MYCBPAP: variants seen among roughly 807,000 people sequenced by gnomAD.
MYCBPAP encodes MYCBP-associated protein.
A neutral mutation model predicts 106.1 loss-of-function variants in MYCBPAP; 60 were observed. The ratio of observed to expected loss-of-function variants is 0.57; its 90% confidence interval spans 0.46 to 0.70. MYCBPAP has a LOEUF of 0.70. Among genes scored for constraint, MYCBPAP ranks in the 30% least tolerant of loss-of-function variants. The probability of loss-of-function intolerance (pLI) is 0.00; values close to 1 mark genes in which losing one functional copy is unlikely to be tolerated. For synonymous variants in MYCBPAP, 407 were observed against 440.6 expected, an observed-to-expected ratio of 0.92 and a Z score of 0.95; for missense variants, 1,064 against 1,169.3, an observed-to-expected ratio of 0.91 and a Z score of 1.31.
Position 50,516,621 on chromosome 17 carries a change from A to G in MYCBPAP, c.128A>G (p.Glu43Gly). The part of the protein sequence containing the change: ...PEQPTPTIQE[E>G]PEPVSNVLQG... Reference sequence around the variant, plus strand: ...CAACCCACACCCACAATTCAGGAAGAGCCTGAACCTGTTAGCAATGTCCTA... The same window carrying G: ...CAACCCACACCCACAATTCAGGAAGGGCCTGAACCTGTTAGCAATGTCCTA... Residue 43 changes from glutamate (E) to glycine (G), a missense_variant, in exon 2 of 19, where the codon GAG becomes GGG. Physicochemically the swap from Glu to Gly is moderately conservative, Grantham distance 98. Coordinates refer to ENST00000323776, the MANE Select transcript of MYCBPAP (RefSeq NM_032133.6). The G allele has an allele frequency of 2.5e-6, 4 of 1,614,160 alleles. No individual in the cohort carries two copies. The South Asian group carries it at 4.4e-5, about 18-fold the overall frequency.
At chr17:50,510,731 G>A (rs2033816882) in intron 1 of MYCBPAP, among the ~76,000 whole-genome samples, 1 of 134,942 alleles carries the variant, frequency 7.4e-6, no homozygotes, top group Admixed American at 8.0e-5. Flanking sequence ...AAGTTGCCCA[G>A]GCTGGTCTTA....
intron 1 of MYCBPAP, among the ~76,000 whole-genome samples, chr17:50,514,040 A>AT (rs1441969117): frequency 6.6e-6 from 1 of 152,128 alleles, no homozygotes; most frequent in Non-Finnish European, 1.5e-5. Flanking sequence ...TGAATTTATT[A>AT]TTTTTTCTAA....
At chr17:50,530,496 C>CTAAAAAAAAAAAAAAAAAA (rs1567899333) in intron 18 of MYCBPAP, among the ~76,000 whole-genome samples, 1 of 15,578 alleles carries the variant, frequency 6.4e-5, no homozygotes, top group African/African-American at 2.8e-4. Flanking sequence ...ACTCTTACCT[C>CTAAAAAAAAAAAAAAAAAA]CAAAAAAAAA....
At chr17:50,524,676 GGAGA>G (rs1217842911) in intron 12 of MYCBPAP, among the ~76,000 whole-genome samples, 197 bp from the exon 13 acceptor site, 1 of 151,348 alleles carries the variant, frequency 6.6e-6, no homozygotes, top group East Asian at 1.9e-4. Flanking sequence ...AAGGATGTCT[GGAGA>G]GACTCAGAGG....
At chr17:50,510,534 T>TATAC in intron 1 of MYCBPAP, 1 of 135,834 alleles carries the variant, frequency 7.4e-6, no homozygotes, top group African/African-American at 2.8e-5. Flanking sequence ...TATATATATA[T>TATAC]ATGTATTTTG....
intron 10 of MYCBPAP, 128 bp downstream of exon 10, chr17:50,522,209 G>A (rs1003930137): frequency 1.9e-5 from 12 of 644,682 alleles, no homozygotes; most frequent in South Asian, 7.4e-5. Context: ...CATTCAGCAC[G>A]TCTGAAAATG....
Position 50,526,740 on chromosome 17 carries a change from C to T in MYCBPAP, c.2169+473C>T, listed in dbSNP as rs140779458. ...CTGGGACTACAGGCATGCGCCACCA[C>T]ATCCAGCTAGTTTTTGTATTTTTGT... On this transcript the variant is annotated intron_variant, in intron 14 of 18. Transcript: ENST00000323776. 1.5e-3 allele frequency among the ~76,000 whole-genome samples: 232 copies of T among 152,350 alleles called. 2 individuals carry two copies. The highest frequency in any genetic ancestry group is 5.3e-3 in the African/African-American group (222 of 41,590).
At position 50,528,242 on chromosome 17, in the gene MYCBPAP, C is replaced by T. The variant is rs377742953; in HGVS notation, c.2379C>T (p.Thr793=). The T allele has an allele frequency of 8.1e-6, 13 of 1,613,922 alleles. No homozygotes were observed. Among genetic ancestry groups the T allele is most frequent in the Non-Finnish European group, 1.1e-5 (13 of 1,179,948 alleles). ...TGCTGGGCCTGCCTGAGAAGGAGAC[C>T]ATCTATTTGAATGTGCCTGAAGAGC... is the stretch of plus-strand genomic sequence containing the variant. ...RSVLGLPEKE[T]IYLNVPEEQD... The change falls in exon 16 of 19, where the codon ACC becomes ACT. Residue 793 remains threonine, a synonymous_variant. Transcript: ENST00000323776.
At position 50,525,159 on chromosome 17, in the gene MYCBPAP, C is replaced by T. The variant is rs973131313; in HGVS notation, c.1782+136C>T. The T allele has an allele frequency of 1.8e-4, 190 of 1,066,582 alleles. 1 individual carries two copies. In the East Asian group the frequency reaches 4.6e-3, roughly 26 times the overall value. The allele number at this position is 1,066,582 out of a possible 1,614,324, so 66.1% of individuals were successfully genotyped here. ...TGAGCTCTGCCTCCTGTCAGATCAG[C>T]GGTGGCATTAGATTCTCATAGGAGC... is the stretch of plus-strand genomic sequence containing the variant. On this transcript the variant is annotated intron_variant, in intron 13 of 18. Transcript: ENST00000323776.
At chr17:50,525,164 G>A (rs2034417315) in intron 13 of MYCBPAP, 141 bp downstream of exon 13, 1 of 1,009,564 alleles carries the variant, frequency 9.9e-7, no homozygotes, top group Admixed American at 2.6e-5. Context: ...ATCAGCGGTG[G>A]CATTAGATTC....
At chr17:50,527,483 C>G in intron 15 of MYCBPAP, 75 bp downstream of exon 15, 1 of 1,581,076 alleles carries the variant, frequency 6.3e-7, no homozygotes, top group Non-Finnish European at 8.6e-7. Context: ...GCAGGCAGTC[C>G]TGGGACTCCA....
At chr17:50,508,364 C>T, upstream of MYCBPAP, 1 of 519,560 alleles carries the variant, frequency 1.9e-6, no homozygotes, top group African/African-American at 2.0e-5. Flanking sequence ...GCCCGGGTCC[C>T]CCGCCCCGCC....
intron 18 of MYCBPAP, chr17:50,529,921 G>C (rs2034581413): frequency 2.3e-6 from 1 of 427,430 alleles, no homozygotes; most frequent in Non-Finnish European, 4.8e-6. Context: ...GTTTGTTAGT[G>C]TTGTTGTTTG....
Position 50,508,559 on chromosome 17 carries a change from C to T in MYCBPAP, c.-116C>T, listed in dbSNP as rs1314342007. 2 of 1,544,668 alleles carry T rather than the reference C, an allele frequency of 1.3e-6. No individual in the cohort carries two copies. ...GTTGATCGGTGGATGCGCGCCCCCG[C>T]GCGGGGCACCGGTTGCTGTGGACGC... On this transcript the variant is annotated 5_prime_UTR_variant, in exon 1 of 19. Transcript: ENST00000323776.
intron 1 of MYCBPAP, chr17:50,516,135 A>T (rs1057037942): frequency 6.3e-6 from 1 of 157,696 alleles, no homozygotes; most frequent in Admixed American, 6.2e-5. Flanking sequence ...GACTGCAGGC[A>T]TGGGCCACCA....
At chr17:50,527,697 C>T (rs898450) in intron 15 of MYCBPAP, among the ~76,000 whole-genome samples, 2 of 152,012 alleles carry the variant, frequency 1.3e-5, no homozygotes, top group Non-Finnish European at 2.9e-5. Context: ...AGGAAGAAGA[C>T]GGGGGGCAGA....
At chr17:50,518,820 C>G (rs1461200448) in intron 5 of MYCBPAP, 96 bp downstream of exon 5, 7 of 1,512,116 alleles carry the variant, frequency 4.6e-6, no homozygotes, top group African/African-American at 2.8e-5. Context: ...CTTGGGCTGA[C>G]CACATTTGTG....
chr17:50,529,652 G>T, intron 18 of MYCBPAP: 1 of 427,450 alleles, frequency 2.3e-6, no homozygotes, highest in South Asian at 1.6e-5. Flanking sequence ...GTTTTGAATA[G>T]AAACGCAATA....
At chr17:50,527,907 TGA>T (rs1413852028) in intron 15 of MYCBPAP, among the ~76,000 whole-genome samples, 1 of 152,186 alleles carries the variant, frequency 6.6e-6, no homozygotes, top group Non-Finnish European at 1.5e-5. Flanking sequence ...GAAGTAGGAC[TGA>T]ATTCATGCAG....
Sources: allele counts gnomAD v4.1 joint callset (sites outside exome capture counted in the v4.1 genomes callset), GRCh38; gene constraint gnomAD v4.1.1; transcripts MANE v1.5; gene names NCBI Gene and HGNC (gene_info 2026-07-23, HGNC 2026-07-21).